FBN3: variants seen among roughly 807,000 people sequenced by gnomAD.
The protein encoded by FBN3 is fibrillin 3.
FBN3 carries 234 observed loss-of-function variants against 330.1 expected under a neutral mutation model. The observed-to-expected ratio is 0.71, with a 90% confidence interval of 0.64 to 0.79. The LOEUF is 0.79. Among genes scored for constraint, FBN3 ranks in the 30% least tolerant of loss-of-function variants. FBN3 has a pLI of 0.00. For synonymous variants in FBN3, 1,458 were observed against 1,517.3 expected (o/e 0.96, Z 0.91); for missense variants, 3,606 against 3,886.9 (o/e 0.93, Z 1.92).
chr19:8,130,611 A>AG lies in FBN3; in HGVS notation c.2044+623dup, dbSNP rs1271445703. Among the ~76,000 whole-genome samples, 5 of 15,486 alleles carry AG rather than the reference A, an allele frequency of 3.2e-4. 1 individual carries two copies. The highest frequency in any genetic ancestry group is 8.9e-4 in the African/African-American group (2 of 2,250). The allele number at this position is 15,486 out of a possible 152,430, so 10.2% of individuals were successfully genotyped here. The stretch of plus-strand genomic sequence containing the variant: ...AAGAAAGAAAGAAAGAAAGAAAGAA[A>AG]GAAAGAAAGAAAGAAAGAAAGAAAG... On this transcript the variant is annotated intron_variant, in intron 16 of 63. Transcript: ENST00000600128.
intron 8 of FBN3, among the ~76,000 whole-genome samples, chr19:8,140,874 C>T (rs2083394203): frequency 6.6e-6 from 1 of 151,988 alleles, no homozygotes; most frequent in Admixed American, 6.6e-5. Context: ...CTGTGATGGC[C>T]CCCAGTGGTG....
chr19:8,146,279 C>T, intron 3 of FBN3, 54 bp from the exon 4 acceptor site: 1 of 1,464,506 alleles, frequency 6.8e-7, no homozygotes, highest in South Asian at 1.2e-5. Context: ...TGGGCCGTCC[C>T]TGCTCCATTG....
rs373710480 is a variant in FBN3 at position 8,075,382 on chromosome 19, G to A, written c.7483C>T (p.Pro2495Ser). The change falls in exon 60 of 64, where the codon CCA becomes TCA. Residue 2495 changes from proline (P) to serine (S), a missense_variant. Pro to Ser is a moderately conservative substitution (Grantham distance 74). Transcript: ENST00000600128. ...DNDECSAQPG[P>S]CGAHGHCHNT... ...TGGCAGTGCCCGTGGGCACCACATG[G>A]GCCAGGCTGGGCTGAGCACTCATCA... 5 of 1,613,916 alleles carry A rather than the reference G, an allele frequency of 3.1e-6. No homozygotes were observed. The highest frequency in any genetic ancestry group is 4.2e-6 in the Non-Finnish European group (5 of 1,180,032).
intron 63 of FBN3, 107 bp downstream of exon 63, chr19:8,071,941 T>C (rs1276316045): frequency 3.5e-6 from 4 of 1,145,204 alleles, no homozygotes; most frequent in Non-Finnish European, 4.9e-6. Flanking sequence ...ATCTGGAGCC[T>C]GGTGCTCCTT....
intron 29 of FBN3, among the ~76,000 whole-genome samples, chr19:8,116,135 C>T (rs1441103449): frequency 3.3e-5 from 5 of 152,096 alleles, no homozygotes; most frequent in East Asian, 1.9e-4. Flanking sequence ...GTTTCTTGGC[C>T]GGGAGTTACA....
chr19:8,118,973 G>A lies in FBN3; in HGVS notation c.3261C>T (p.Cys1087=), dbSNP rs2082774674. 12 of 1,612,056 alleles carry A rather than the reference G, an allele frequency of 7.4e-6. No homozygotes were observed. Among genetic ancestry groups the A allele is most frequent in the Non-Finnish European group, 1.0e-5 (12 of 1,178,288 alleles). ...RDPLLCRGGT[C]TNTDGSYKCQ... Reference sequence around the variant, plus strand: ...ACTTGTAGCTCCCATCCGTGTTGGTGCAAGTGCCTCCCCGGCAGAGCAGCG... The same window carrying A: ...ACTTGTAGCTCCCATCCGTGTTGGTACAAGTGCCTCCCCGGCAGAGCAGCG... The change falls in exon 26 of 64, where the codon TGC becomes TGT. Residue 1087 remains cysteine (C), a synonymous_variant. Coordinates refer to ENST00000600128, the MANE Select transcript of FBN3 (RefSeq NM_032447.5).
In FBN3 at chr19:8,131,689, T is replaced by G. The variant is rs1210971037; in HGVS notation, c.1855A>C (p.Thr619Pro). 3 of 1,614,032 alleles carry G rather than the reference T, an allele frequency of 1.9e-6. No homozygotes were observed. The highest frequency in any genetic ancestry group is 3.3e-5 in the Admixed American group (2 of 60,010). Residue 619 changes from threonine (T) to proline (P), a missense_variant, in exon 15 of 64, where the codon ACC (threonine) becomes CCC (proline). Coordinates refer to ENST00000600128, the MANE Select transcript of FBN3 (RefSeq NM_032447.5). This position sits in a 1 kb window ranked among gnomAD's most constrained non-coding sequence, Gnocchi z 4.5. ...CCCTTCTCGATGGCCCCATAGCAGG[T>G]GCTGCGCACGTGGGTGTCCACGCAC... ...RVCVDTHVRS[T>P]CYGAIEKGSC...
At chr19:8,073,429 G>T in intron 61 of FBN3, 132 bp from the exon 62 acceptor site, 1 of 726,406 alleles carries the variant, frequency 1.4e-6, no homozygotes, top group Non-Finnish European at 2.3e-6. Context: ...TCAGCAAGCT[G>T]GCAGTGAGCC....
chr19:8,104,181 A>C (rs1233700908), intron 38 of FBN3, among the ~76,000 whole-genome samples: 3 of 151,512 alleles, frequency 2.0e-5, no homozygotes, highest in Non-Finnish European at 4.4e-5. Context: ...AAAAAAAAAA[A>C]AACATTTACA....
At chr19:8,077,576 A>T (rs6603137) in intron 59 of FBN3, among the ~76,000 whole-genome samples, 94,971 of 151,990 alleles carry the variant, frequency 0.62, 31,356 homozygotes, top group African/African-American at 0.84. Context: ...GAGGCAGAGG[A>T]TGCAGTGAGC....
chr19:8,136,484 T>A lies in FBN3; in HGVS notation c.1249A>T (p.Asn417Tyr). 6.2e-7 allele frequency: 1 copy of A among 1,614,024 alleles called. No homozygotes were observed. The highest frequency in any genetic ancestry group is 8.5e-7 in the Non-Finnish European group (1 of 1,179,934). Residue 417 changes from asparagine (N) to tyrosine (Y), a missense_variant, in exon 11 of 64, where the codon AAC becomes TAC. Physicochemically the swap from Asn to Tyr is moderately radical, Grantham distance 143. Transcript: ENST00000600128. Reference protein sequence around the residue: ...QTIDICRHFTNLCLNGRCLPT... With the variant: ...QTIDICRHFTYLCLNGRCLPT... ...AGGCAGCGGCCATTCAGACACAGGT[T>A]GGTGAAGTGTCGGCAGATGTCAATG... is the stretch of plus-strand genomic sequence containing the variant.
intron 6 of FBN3, among the ~76,000 whole-genome samples, chr19:8,143,315 C>T (rs2083455445): frequency 2.0e-5 from 3 of 152,040 alleles, no homozygotes; most frequent in African/African-American, 4.8e-5. Flanking sequence ...GCAAGTCCCT[C>T]GGCCAACACT....
chr19:8,073,018 C>T (rs7254691), intron 62 of FBN3, 45 bp downstream of exon 62: 550,434 of 1,038,356 alleles, frequency 0.53, 167,087 homozygotes, highest in African/African-American at 0.86. Context: ...CGTGCATGGA[C>T]GCTTGCGGGG....
intron 27 of FBN3, 81 bp downstream of exon 27, chr19:8,117,383 T>C: frequency 6.5e-7 from 1 of 1,544,540 alleles, no homozygotes; most frequent in Non-Finnish European, 8.7e-7. Flanking sequence ...AGAGTGGAGT[T>C]GAGGTGAGGA....
rs2082167787 is a variant in FBN3, at chr19:8,094,488, TG to T, written c.5862del (p.Cys1954Ter). 6.2e-7 allele frequency: 1 copy of T among 1,613,702 alleles called. No individual in the cohort carries two copies. The highest frequency in any genetic ancestry group is 8.5e-7 in the Non-Finnish European group (1 of 1,179,862). On this transcript the variant is annotated frameshift_variant, in exon 47 of 64. Transcript: ENST00000600128. LOFTEE classifies it high-confidence loss of function. ...TCQNLEGSFRCICPPGFQVQS... is the reference protein window; with the variant it reads ...TCQNLEGSFRXICPPGFQVQS... ...TGCACCTGGAAGCCAGGGGGACAGA[TG>T]CAGCGGAAGGAGCCCTCGAGGTTCT...
At position 8,144,947 on chromosome 19, in the gene FBN3, A is replaced by T; in HGVS notation, c.471T>A (p.Asn157Lys). 1 of 1,611,676 alleles carries T rather than the reference A, an allele frequency of 6.2e-7. No individual in the cohort carries two copies. The change falls in exon 6 of 64, where the codon AAT (asparagine) becomes AAA (lysine). Residue 157 changes from asparagine to lysine, a missense_variant. Asn to Lys is a moderately conservative substitution (Grantham distance 94). Coordinates refer to ENST00000600128, the MANE Select transcript of FBN3 (RefSeq NM_032447.5). ...GQPICDRGCHNGGRCIGPNRC... is the reference protein window; with the variant it reads ...GQPICDRGCHKGGRCIGPNRC... ...GGTTGGGCCCAATGCAGCGACCCCC[A>T]TTGTGGCAGCCGCGGTCACAGATGG...
intron 24 of FBN3, among the ~76,000 whole-genome samples, chr19:8,122,917 C>T (rs2082887972): frequency 6.6e-6 from 1 of 151,858 alleles, no homozygotes; most frequent in Non-Finnish European, 1.5e-5. Context: ...CCCGCCTCAG[C>T]CTCCCAAAGT....
rs372390668 is a variant in FBN3, at chr19:8,092,103, G to A, written c.5906-513C>T. Among the ~76,000 whole-genome samples, 77 of 151,956 alleles carry A rather than the reference G, an allele frequency of 5.1e-4. No individual in the cohort carries two copies. The South Asian group carries it at 0.012, about 23-fold the overall frequency. On this transcript the variant is annotated intron_variant, in intron 47 of 63. Coordinates refer to ENST00000600128, the MANE Select transcript of FBN3 (RefSeq NM_032447.5). ...TGAGGTAGGAGAATGGCATGAACCC[G>A]GGAGGCAGAGCTTGCAGTGAGCTGA... is the stretch of plus-strand genomic sequence containing the variant.
At chr19:8,080,930 A>G (rs777063373) in intron 59 of FBN3, 73 bp downstream of exon 59, 1 of 1,150,934 alleles carries the variant, frequency 8.7e-7, no homozygotes, top group Non-Finnish European at 1.3e-6. Context: ...CCAACTTGAT[A>G]TTTTTTTGGT....
Sources: gnomAD v4.1 joint callset for allele counts (sites outside exome capture counted in the v4.1 genomes callset) on GRCh38, gnomAD v4.1.1 for gene constraint, Gnocchi (gnomAD v3.1) non-coding constraint, MANE v1.5 for transcripts, NCBI Gene and HGNC (gene_info 2026-07-23, HGNC 2026-07-21) for gene names.